TCL1B: variants seen among roughly 807,000 people sequenced by gnomAD.
TCL1B encodes the protein T-cell leukemia/lymphoma protein 1B.
A neutral mutation model predicts 16.9 loss-of-function variants in TCL1B; 14 were observed. The ratio of observed to expected loss-of-function variants is 0.83; its 90% CI spans 0.55 to 1.30. The LOEUF is 1.30. TCL1B is among the 50% of genes most tolerant of loss of function. The probability of loss-of-function intolerance (pLI) is 0.00; values close to 1 mark genes in which losing one functional copy is unlikely to be tolerated. For synonymous variants in TCL1B, 79 were observed against 66.6 expected (o/e 1.19, Z -0.91); for missense variants, 166 against 165.2 (o/e 1.00, Z -0.03).
At chr14:95,687,263 A>G (rs1462386143) in intron 1 of TCL1B, among the ~76,000 whole-genome samples, 1 of 152,152 alleles carries the variant, frequency 6.6e-6, no homozygotes, top group Non-Finnish European at 1.5e-5. Context: ...GATAATGATA[A>G]TGACTCAGGA....
intron 1 of TCL1B, among the ~76,000 whole-genome samples, chr14:95,687,968 A>AAAAT (rs1437813994): frequency 2.6e-5 from 4 of 151,132 alleles, no homozygotes; most frequent in Non-Finnish European, 5.9e-5. Context: ...AAAAAAAAAA[A>AAAAT]ATGCCGTTTA....
At chr14:95,691,151 G>T in intron 2 of TCL1B, 117 bp from the exon 3 acceptor site, 1 of 1,265,348 alleles carries the variant, frequency 7.9e-7, no homozygotes, top group South Asian at 1.4e-5. Flanking sequence ...TCCACAAGCT[G>T]GAGTTCCCAC....
chr14:95,686,695 C>G (rs936404069), intron 1 of TCL1B, 66 bp downstream of exon 1: 3 of 1,500,074 alleles, frequency 2.0e-6, no homozygotes, highest in Non-Finnish European at 1.8e-6. Flanking sequence ...CGTGTGGGAC[C>G]GCGGTGGGGG....
At chr14:95,690,209 C>T (rs925391180) in intron 1 of TCL1B, among the ~76,000 whole-genome samples, 2 of 152,156 alleles carry the variant, frequency 1.3e-5, no homozygotes. Context: ...ATTATGTTGC[C>T]GAGGCTGGTC....
At chr14:95,690,445 A>G (rs1885854855) in intron 1 of TCL1B, among the ~76,000 whole-genome samples, 1 of 152,162 alleles carries the variant, frequency 6.6e-6, no homozygotes, top group Middle Eastern at 3.2e-3. Context: ...CGGCAATGGC[A>G]GAGATGGAGC....
intron 1 of TCL1B, among the ~76,000 whole-genome samples, chr14:95,690,282 A>C (rs1227462196): frequency 1.3e-5 from 2 of 152,220 alleles, no homozygotes; most frequent in Non-Finnish European, 2.9e-5. Context: ...GATTACAGGC[A>C]TAAGCCACTG....
intron 1 of TCL1B, chr14:95,688,039 C>G (rs1297098697): frequency 6.6e-6 from 1 of 151,124 alleles, no homozygotes; most frequent in African/African-American, 2.4e-5. Flanking sequence ...TGCTCTGTTG[C>G]GGCTGGAGTG....
Sources: gnomAD v4.1 joint callset for allele counts (sites outside exome capture counted in the v4.1 genomes callset) on GRCh38, gnomAD v4.1.1 for gene constraint, MANE v1.5 for transcripts, NCBI Gene and HGNC (gene_info 2026-07-23, HGNC 2026-07-21) for gene names.